Variants in PATJ observed in about 807,000 individuals in gnomAD.
PATJ encodes inaD-like protein.
A neutral mutation model predicts 224.9 loss-of-function variants in PATJ; 190 were observed. The observed-to-expected ratio is 0.84, with a 90% CI of 0.75 to 0.95. The LOEUF (loss-of-function observed/expected upper bound fraction) is 0.95. Ranked by LOEUF, PATJ falls within the 40% of genes least tolerant of loss-of-function variation. The pLI, the probability that PATJ is intolerant of heterozygous loss-of-function variation, is 0.00. For synonymous variants in PATJ, 769 were observed against 820.3 expected (o/e 0.94, Z 1.07); for missense variants, 2,121 against 2,270.3 (o/e 0.93, Z 1.34).
At chr1:62,137,965 TGAG>T (rs573563534) in intron 41 of PATJ, among the ~76,000 whole-genome samples, 148 of 152,190 alleles carry the variant, frequency 9.7e-4, no homozygotes, top group Non-Finnish European at 1.8e-4. Context: ...CTTCCTCGGA[TGAG>T]GAGATTTTCT....
intron 25 of PATJ, among the ~76,000 whole-genome samples, chr1:61,912,507 G>A (rs916325216): frequency 7.9e-5 from 12 of 151,654 alleles, no homozygotes; most frequent in Admixed American, 3.3e-4. Context: ...CACAAGAATT[G>A]CTTGAACCTG....
At chr1:61,819,619 G>C (rs528385954) in intron 14 of PATJ, among the ~76,000 whole-genome samples, 1 of 152,134 alleles carries the variant, frequency 6.6e-6, no homozygotes, top group African/African-American at 2.4e-5. Flanking sequence ...GGCGGCGGTG[G>C]GGGGGCGCGG....
intron 42 of PATJ, 34 bp downstream of exon 42, chr1:62,148,424 A>G (rs575931323): frequency 1.4e-6 from 2 of 1,469,994 alleles, no homozygotes; most frequent in Non-Finnish European, 1.9e-6. Flanking sequence ...CCTATTATGC[A>G]TGTGGGCAAA....
chr1:61,836,869 G>A (rs1028523957), intron 17 of PATJ, among the ~76,000 whole-genome samples: 20 of 152,200 alleles, frequency 1.3e-4, no homozygotes, highest in African/African-American at 4.6e-4. Context: ...GCCCTGCCAG[G>A]CCTAGCATGT....
intron 31 of PATJ, chr1:62,054,218 C>T: frequency 5.1e-6 from 1 of 195,316 alleles, no homozygotes; most frequent in East Asian, 1.4e-4. Context: ...AAGAAATTAG[C>T]TGAGTGTGGT....
chr1:62,116,541 CG>C lies in PATJ; in HGVS notation c.4667del (p.Gly1556GlufsTer8). 1 of 1,613,848 alleles carries C rather than the reference CG, an allele frequency of 6.2e-7. No individual in the cohort carries two copies. Among genetic ancestry groups the C allele is most frequent in the Non-Finnish European group, 8.5e-7 (1 of 1,179,908 alleles). On this transcript the variant is annotated frameshift_variant, in exon 36 of 44. Transcript: ENST00000642238. LOFTEE classifies it high-confidence loss of function. ...TGTATGGTATTAACAGAAATGGAAG[CG>C]GAGTGTTTATTTCTGACATCGTGAA... ...LSIVGKRNGSGVFISDIVKGG... is the reference protein window; with the variant it reads ...LSIVGKRNGSXVFISDIVKGG...
intron 27 of PATJ, among the ~76,000 whole-genome samples, chr1:61,961,971 G>GAAAAAAA (rs371746015): frequency 1.8e-5 from 2 of 113,532 alleles, no homozygotes; most frequent in Admixed American, 9.6e-5. Flanking sequence ...CTCCGTCTTA[G>GAAAAAAA]AAAAAAAAAA....
At chr1:61,890,191 C>T (rs1669405624) in intron 22 of PATJ, among the ~76,000 whole-genome samples, 1 of 152,156 alleles carries the variant, frequency 6.6e-6, no homozygotes, top group African/African-American at 2.4e-5. Context: ...AATAAAAATT[C>T]ATACAGGCCA....
chr1:62,155,562 G>T (rs952960620), intron 43 of PATJ, among the ~76,000 whole-genome samples: 1 of 152,018 alleles, frequency 6.6e-6, no homozygotes, highest in African/African-American at 2.4e-5. Flanking sequence ...CCTCTCAAAG[G>T]TCCCATTGAA....
At chr1:61,760,451 T>C (rs1175879645) in intron 1 of PATJ, among the ~76,000 whole-genome samples, 2 of 152,214 alleles carry the variant, frequency 1.3e-5, no homozygotes, top group Non-Finnish European at 2.9e-5. Context: ...GTAAAAATGA[T>C]CACTGAAAAT....
At chr1:62,043,445 T>C (rs952599092) in intron 30 of PATJ, among the ~76,000 whole-genome samples, 1 of 152,132 alleles carries the variant, frequency 6.6e-6, no homozygotes, top group African/African-American at 2.4e-5. Context: ...ACATTTAAAA[T>C]GGGTTTGATA....
At chr1:62,039,029 T>C in intron 30 of PATJ, 1 of 1,073,222 alleles carries the variant, frequency 9.3e-7, no homozygotes, top group Admixed American at 1.7e-5. Flanking sequence ...ACTCCTGTAG[T>C]GTGTCCAGCA....
chr1:62,005,037 G>A (rs1646006285), intron 28 of PATJ, among the ~76,000 whole-genome samples: 1 of 151,974 alleles, frequency 6.6e-6, no homozygotes, highest in Non-Finnish European at 1.5e-5. Context: ...ATTGATATAC[G>A]ATTATTAGTA....
chr1:61,997,557 A>G (rs1645438589), intron 28 of PATJ, among the ~76,000 whole-genome samples: 1 of 152,228 alleles, frequency 6.6e-6, no homozygotes, highest in Non-Finnish European at 1.5e-5. Flanking sequence ...GCTAACATTG[A>G]GTACTTAATT....
chr1:61,818,372 G>T (rs1656585038), intron 14 of PATJ, among the ~76,000 whole-genome samples: 1 of 152,222 alleles, frequency 6.6e-6, no homozygotes, highest in African/African-American at 2.4e-5. Context: ...ATGACATGCG[G>T]TGTGTGTGAA....
rs568511462 is a variant in PATJ, at chr1:61,985,236, C to T, written c.3671-4932C>T. On this transcript the variant is annotated intron_variant, in intron 27 of 43. Transcript: ENST00000642238. ...CTGAGGCAGGGGAATCGCTTGAACC[C>T]GGAAGGTGGAGGTTGCAGTGAACCG... Among the ~76,000 whole-genome samples the T allele has an allele frequency of 7.2e-5, 11 of 152,070 alleles. 1 individual carries two copies. Among genetic ancestry groups the T allele is most frequent in the African/African-American group, 2.2e-4 (9 of 41,386 alleles).
In PATJ at chr1:62,079,503, A is replaced by C. The variant is rs1364829342; in HGVS notation, c.4179A>C (p.Ser1393=). Residue 1393 remains serine (S), a synonymous_variant, in exon 32 of 44, where the codon TCA becomes TCC. Coordinates refer to ENST00000642238, the MANE Select transcript of PATJ (RefSeq NM_001350145.3). ...ATCCAACAAAAGTCTCCTTCAGTTC[A>C]CAAGAGATACCATTAGCACCAGCTT... ...QKYPTKVSFS[S]QEIPLAPASS... The C allele has an allele frequency of 6.2e-7, 1 of 1,614,092 alleles. No homozygotes were observed. The highest frequency in any genetic ancestry group is 8.5e-7 in the Non-Finnish European group (1 of 1,179,922).
intron 21 of PATJ, among the ~76,000 whole-genome samples, chr1:61,877,034 G>A (rs891331774): frequency 2.6e-5 from 4 of 152,242 alleles, no homozygotes; most frequent in Middle Eastern, 3.4e-3. Context: ...GGCTTTGCTC[G>A]AAGACTGGGT....
rs1290982838 is a variant in PATJ, at chr1:61,769,222, A to G, written c.385-61A>G. The G allele has an allele frequency of 2.0e-6, 3 of 1,533,946 alleles. No individual in the cohort carries two copies. In the East Asian group the frequency reaches 6.8e-5, roughly 35 times the overall value. On this transcript the variant is annotated intron_variant, in intron 4 of 43. Transcript: ENST00000642238. ...TTATGCTAAGCAATTTCAGTTCTGC[A>G]GACAGAGTATGTTGGCTAAATGTAC...
Sources: allele counts gnomAD v4.1 joint callset (sites outside exome capture counted in the v4.1 genomes callset), GRCh38; gene constraint gnomAD v4.1.1; transcripts MANE v1.5; gene names NCBI Gene and HGNC (gene_info 2026-07-23, HGNC 2026-07-21).